Variants in ANK3 observed in about 807,000 individuals in gnomAD.
ANK3 encodes the protein ankyrin-3.
Under a neutral mutation model 370.9 loss-of-function variants are expected in ANK3, and 57 were observed. The ratio of observed to expected loss-of-function variants is 0.15; its 90% CI spans 0.12 to 0.19. The LOEUF (loss-of-function observed/expected upper bound fraction) is 0.19, where lower values mean the gene tolerates loss of function less well. ANK3 is among the 10% of genes least tolerant of loss of function. The pLI, the probability that ANK3 is intolerant of heterozygous loss-of-function variation, is 1.00. For missense variants in ANK3, 4,439 were observed against 5,302.1 expected, an observed-to-expected ratio of 0.84 and a Z score of 5.06; for synonymous variants, 1,929 against 1,946.3, an observed-to-expected ratio of 0.99 and a Z score of 0.23.
chr10:60,363,585 T>G (rs2132748473), intron 1 of ANK3, among the ~76,000 whole-genome samples: 1 of 152,310 alleles, frequency 6.6e-6, no homozygotes, highest in Admixed American at 6.5e-5. Flanking sequence ...CGTGGCTAAG[T>G]GTACAGGGCA....
At chr10:60,625,889 G>A (rs1450327491) in intron 1 of ANK3, among the ~76,000 whole-genome samples, 1 of 152,136 alleles carries the variant, frequency 6.6e-6, no homozygotes, top group Non-Finnish European at 1.5e-5. Context: ...TAACACCTAG[G>A]ACATTAGTAC....
chr10:60,656,546 C>T (rs2133367680), intron 1 of ANK3, among the ~76,000 whole-genome samples: 1 of 152,034 alleles, frequency 6.6e-6, no homozygotes. Flanking sequence ...CCTCTGGTTG[C>T]TTAGGGTTTA....
At chr10:60,193,550 G>A (rs2096532441) in intron 16 of ANK3, among the ~76,000 whole-genome samples, 2 of 152,040 alleles carry the variant, frequency 1.3e-5, no homozygotes, top group South Asian at 4.2e-4. Context: ...ATCTATTTGG[G>A]AGGCTGAGGC....
chr10:60,123,209 T>C (rs7914899), intron 25 of ANK3, among the ~76,000 whole-genome samples: 8,314 of 152,262 alleles, frequency 0.055, 751 homozygotes, highest in African/African-American at 0.19. Flanking sequence ...TTTATTCCCA[T>C]GTCAAAGATA....
At chr10:60,523,689 C>T (rs1408477901) in intron 2 of ANK3, among the ~76,000 whole-genome samples, 5 of 151,008 alleles carry the variant, frequency 3.3e-5, no homozygotes, top group Admixed American at 6.6e-5. Context: ...GTGAATAGTG[C>T]TGCAATAAAC....
chr10:60,609,774 C>T (rs1229985479), intron 2 of ANK3, among the ~76,000 whole-genome samples: 2 of 152,144 alleles, frequency 1.3e-5, no homozygotes, highest in Non-Finnish European at 1.5e-5. Context: ...CACATTTATA[C>T]TGGATGATCT....
At chr10:60,609,620 A>G (rs973529372) in intron 2 of ANK3, among the ~76,000 whole-genome samples, 4 of 152,116 alleles carry the variant, frequency 2.6e-5, no homozygotes, top group Non-Finnish European at 5.9e-5. Flanking sequence ...ATATGACAGA[A>G]TATGAGATAA....
At chr10:60,544,253 C>G (rs1354968575) in intron 2 of ANK3, among the ~76,000 whole-genome samples, 1 of 152,094 alleles carries the variant, frequency 6.6e-6, no homozygotes, top group Admixed American at 6.6e-5. Flanking sequence ...TGTTATAGTT[C>G]AACCCATTTT....
intron 1 of ANK3, among the ~76,000 whole-genome samples, chr10:60,686,335 G>A (rs937885943): frequency 5.3e-5 from 8 of 152,248 alleles, no homozygotes; most frequent in Non-Finnish European, 7.4e-5. Context: ...TAAAGCCACA[G>A]TGAGATTCAT....
chr10:60,386,544 T>G (rs1298996212), intron 1 of ANK3, among the ~76,000 whole-genome samples: 1 of 152,150 alleles, frequency 6.6e-6, no homozygotes, highest in Non-Finnish European at 1.5e-5. Flanking sequence ...ACTGCTTTTT[T>G]TTTTTTGGAC....
chr10:60,409,397 A>G (rs2063515162), intron 2 of ANK3, among the ~76,000 whole-genome samples: 1 of 152,232 alleles, frequency 6.6e-6, no homozygotes, highest in Non-Finnish European at 1.5e-5. Context: ...CATGGCGGAG[A>G]ATATCAGTCT....
chr10:60,679,568 A>C (rs1294763962), intron 1 of ANK3, among the ~76,000 whole-genome samples: 1 of 152,192 alleles, frequency 6.6e-6, no homozygotes, highest in Non-Finnish European at 1.5e-5. Flanking sequence ...AAAATGCCTC[A>C]AACGAGCATG....
intron 2 of ANK3, among the ~76,000 whole-genome samples, chr10:60,586,560 A>T (rs536130529): frequency 1.3e-5 from 2 of 152,332 alleles, no homozygotes; most frequent in East Asian, 3.9e-4. Context: ...GGGAGGGCAC[A>T]TGATTTGCAG....
At chr10:60,443,747 A>G (rs1262474260) in intron 2 of ANK3, among the ~76,000 whole-genome samples, 2 of 152,178 alleles carry the variant, frequency 1.3e-5, no homozygotes, top group Non-Finnish European at 2.9e-5. Context: ...CTTCTTGGCT[A>G]AATATATCAC....
At chr10:60,663,650 T>C (rs1017709495) in intron 1 of ANK3, among the ~76,000 whole-genome samples, 2 of 152,244 alleles carry the variant, frequency 1.3e-5, no homozygotes, top group African/African-American at 2.4e-5. Context: ...CCTACCTTCA[T>C]GATGGTGTTA....
chr10:60,468,099 C>T (rs1224885350), intron 2 of ANK3, among the ~76,000 whole-genome samples: 1 of 151,622 alleles, frequency 6.6e-6, no homozygotes, highest in Admixed American at 6.6e-5. Flanking sequence ...ATTCTCCTGC[C>T]TCAGCCTCCC....
chr10:60,231,881 T>C (rs193221318), intron 8 of ANK3, among the ~76,000 whole-genome samples: 1 of 152,292 alleles, frequency 6.6e-6, no homozygotes, highest in Admixed American at 6.5e-5. Context: ...ACAGGAGGAA[T>C]GTAAATCCAA....
In ANK3 at chr10:60,208,049, T is replaced by C. The variant is rs2096792699; in HGVS notation, c.1181A>G (p.Asn394Ser). Residue 394 changes from asparagine to serine, a missense_variant, in exon 10 of 44, where the codon AAT becomes AGT. Coordinates refer to ENST00000280772, the MANE Select transcript of ANK3 (RefSeq NM_020987.5). The part of the protein sequence containing the change: ...KVLLDKKANP[N>S]AKALNGFTPL... ...TGAGCCACTCACCAGGGCTTTGGCA[T>C]TGGGGTTAGCTTTCTTATCCAAGAG... The C allele has an allele frequency of 6.2e-7, 1 of 1,613,452 alleles. No individual in the cohort carries two copies. Among genetic ancestry groups the C allele is most frequent in the African/African-American group, 1.3e-5 (1 of 74,902 alleles).
intron 14 of ANK3, among the ~76,000 whole-genome samples, chr10:60,197,599 T>C (rs2096607487): frequency 6.6e-6 from 1 of 152,226 alleles, no homozygotes. Context: ...AAATTTGAGG[T>C]AGTCATCATT....
Sources: allele counts gnomAD v4.1 joint callset (sites outside exome capture counted in the v4.1 genomes callset), GRCh38; gene constraint gnomAD v4.1.1; transcripts MANE v1.5; gene names NCBI Gene and HGNC (gene_info 2026-07-23, HGNC 2026-07-21).